BICRAL: variants seen among roughly 807,000 people sequenced by gnomAD.
BICRAL encodes the protein BICRA like chromatin remodeling complex associated protein.
Under a neutral mutation model 91.8 loss-of-function variants are expected in BICRAL, and 8 were observed. The ratio of observed to expected loss-of-function variants is 0.09; its 90% CI spans 0.05 to 0.16. The LOEUF is 0.16. Among genes scored for constraint, BICRAL ranks in the 10% least tolerant of loss-of-function variants. The probability of loss-of-function intolerance (pLI) is 1.00; values close to 1 mark genes in which losing one functional copy is unlikely to be tolerated. For missense variants in BICRAL, 1,038 were observed against 1,310.9 expected, an observed-to-expected ratio of 0.79 and a Z score of 3.21; for synonymous variants, 445 against 491.1, an observed-to-expected ratio of 0.91 and a Z score of 1.24.
At chr6:42,821,633 A>T (rs575332616) in intron 2 of BICRAL, among the ~76,000 whole-genome samples, 1 of 152,144 alleles carries the variant, frequency 6.6e-6, no homozygotes, top group Non-Finnish European at 1.5e-5. Flanking sequence ...AAAGACCTCT[A>T]TGTCTATGAG....
chr6:42,835,760 ACTGTCT>A (rs1283753653), intron 6 of BICRAL, among the ~76,000 whole-genome samples: 1 of 152,020 alleles, frequency 6.6e-6, no homozygotes, highest in Non-Finnish European at 1.5e-5. Context: ...ATGGTGAAAC[ACTGTCT>A]CTACAAAAAA....
upstream of BICRAL, among the ~76,000 whole-genome samples, chr6:42,781,635 T>G (rs2113857552): frequency 6.7e-6 from 1 of 148,350 alleles, no homozygotes; most frequent in Admixed American, 6.7e-5. Context: ...AGAGAGAGCC[T>G]GCAAGAGAAT....
At chr6:42,841,179 G>C (rs1764785148) in intron 6 of BICRAL, among the ~76,000 whole-genome samples, 2 of 137,534 alleles carry the variant, frequency 1.5e-5, no homozygotes, top group Non-Finnish European at 3.1e-5. Context: ...GATCACTCTT[G>C]AATATTTTTT....
intron 1 of BICRAL, among the ~76,000 whole-genome samples, chr6:42,747,637 C>G (rs1356636898): frequency 6.6e-6 from 1 of 152,076 alleles, no homozygotes; most frequent in East Asian, 1.9e-4. Context: ...AGGCGGGGCG[C>G]GGGGGCAGGG....
chr6:42,853,218 G>A (rs919232824), intron 7 of BICRAL, among the ~76,000 whole-genome samples: 1 of 151,322 alleles, frequency 6.6e-6, no homozygotes, highest in Non-Finnish European at 1.5e-5. Flanking sequence ...TTGAACATCT[G>A]CAGTACCCAA....
At chr6:42,858,992 C>G (rs1765471921) in intron 10 of BICRAL, among the ~76,000 whole-genome samples, 1 of 152,050 alleles carries the variant, frequency 6.6e-6, no homozygotes, top group African/African-American at 2.4e-5. Flanking sequence ...AAGTCTTACT[C>G]CTCCTGGCAG....
chr6:42,855,510 C>G (rs1034421575), intron 8 of BICRAL, among the ~76,000 whole-genome samples: 1 of 151,970 alleles, frequency 6.6e-6, no homozygotes, highest in Non-Finnish European at 1.5e-5. Flanking sequence ...CCACCACACT[C>G]CAGCCTGGAC....
At position 42,804,125 on chromosome 6, in the gene BICRAL, C is replaced by T. The variant is rs563483296; in HGVS notation, c.-101-6181C>T. On this transcript the variant is annotated intron_variant, in intron 1 of 12. Transcript: ENST00000314073. ...GCAAACTCTGCCTCCCGGGTTCAAG[C>T]GATTCTCCTGCCTCAGCCTCCTGAG... 1.4e-4 allele frequency among the ~76,000 whole-genome samples: 21 copies of T among 152,288 alleles called. No homozygotes were observed. The East Asian group carries it at 3.9e-3, about 28-fold the overall frequency.
At position 42,760,572 on chromosome 6, in the gene BICRAL, C is replaced by CTAT. The variant is rs200892024; in HGVS notation, c.-261+13564_-261+13566dup. Among the ~76,000 whole-genome samples the CTAT allele has an allele frequency of 8.7e-3, 1,298 of 149,496 alleles. 19 individuals are homozygous for CTAT. Among genetic ancestry groups the CTAT allele is most frequent in the African/African-American group, 0.03 (1,176 of 39,816 alleles). On this transcript the variant is annotated intron_variant, in intron 1 of 14. Coordinates refer to the BICRAL transcript ENST00000614467. ...GGTTTCAACATTATTATTATTATTA[C>CTAT]TATTATTATTATTATTAGAGGCAAG...
At chr6:42,766,933 G>A (rs1191448406) in intron 1 of BICRAL, among the ~76,000 whole-genome samples, 4 of 151,928 alleles carry the variant, frequency 2.6e-5, no homozygotes, top group East Asian at 1.9e-4. Flanking sequence ...CCAGCTACTC[G>A]CGAGGCTGAG....
At chr6:42,825,478 T>C (rs1429369594) in intron 5 of BICRAL, among the ~76,000 whole-genome samples, 1 of 150,258 alleles carries the variant, frequency 6.7e-6, no homozygotes, top group Non-Finnish European at 1.5e-5. Flanking sequence ...GGCAGGAGAA[T>C]GGCTTGAACC....
intron 6 of BICRAL, among the ~76,000 whole-genome samples, chr6:42,841,476 G>A (rs1473406118): frequency 2.0e-5 from 3 of 151,940 alleles, no homozygotes; most frequent in Non-Finnish European, 4.4e-5. Context: ...CGTGAGCCAC[G>A]CTGCCCTGCC....
chr6:42,840,720 A>G (rs1416902701), intron 6 of BICRAL, among the ~76,000 whole-genome samples: 1 of 152,022 alleles, frequency 6.6e-6, no homozygotes, highest in East Asian at 1.9e-4. Flanking sequence ...TATTTTTAGT[A>G]GAGACCGCAC....
At chr6:42,756,031 CA>C (rs1762453668) in intron 1 of BICRAL, among the ~76,000 whole-genome samples, 1 of 152,176 alleles carries the variant, frequency 6.6e-6, no homozygotes, top group Non-Finnish European at 1.5e-5. Flanking sequence ...CTCCTCTCAG[CA>C]AGCAAGTTTC....
chr6:42,864,861 C>G lies in BICRAL; in HGVS notation c.2655C>G (p.Ile885Met). ...HDQFHLVPNH[I>M]VVSAEGNISK... ...AGTTTCATCTAGTGCCTAATCACAT[C>G]GTGGTCTCTGCAGAAGGAAACATTT... The change falls in exon 13 of 13, where the codon ATC (isoleucine) becomes ATG (methionine). Residue 885 changes from isoleucine to methionine, a missense_variant. Ile to Met is a conservative substitution (Grantham distance 10, BLOSUM62 1). Around this residue, in one of 5 missense-constraint regions of BICRAL, gnomAD observed 294 missense variants for 292.6 expected, o/e 1.00. Transcript: ENST00000314073. 6.2e-7 allele frequency: 1 copy of G among 1,614,106 alleles called. No homozygotes were observed.
chr6:42,755,966 G>A lies in BICRAL; in HGVS notation c.-261+8943G>A, dbSNP rs112620670. Among the ~76,000 whole-genome samples the A allele has an allele frequency of 5.0e-4, 76 of 152,000 alleles. 1 individual carries two copies. The highest frequency in any genetic ancestry group is 1.8e-3 in the African/African-American group (73 of 41,442). On this transcript the variant is annotated intron_variant, in intron 1 of 14. Transcript: ENST00000614467. ...TAGGATTACAGGCGTGAGCCACCGC[G>A]CCCGGCCCAGTCACCTCTTTCTTCA...
chr6:42,807,161 A>ATAT (rs879774636), intron 1 of BICRAL, among the ~76,000 whole-genome samples: 2 of 151,528 alleles, frequency 1.3e-5, no homozygotes, highest in African/African-American at 4.9e-5. Context: ...ACTCCAGTTC[A>ATAT]TATTATTATT....
chr6:42,851,870 C>T (rs1207258139), intron 6 of BICRAL, among the ~76,000 whole-genome samples: 2 of 152,244 alleles, frequency 1.3e-5, no homozygotes, highest in Non-Finnish European at 2.9e-5. Context: ...AGCATCCCCG[C>T]TGAATGGCAT....
intron 1 of BICRAL, among the ~76,000 whole-genome samples, chr6:42,748,300 C>T (rs1156678642): frequency 6.6e-6 from 1 of 152,096 alleles, no homozygotes; most frequent in Non-Finnish European, 1.5e-5. Context: ...AACAACCTGA[C>T]CTTTTAAGTT....
Sources: gnomAD v4.1 joint callset for allele counts (sites outside exome capture counted in the v4.1 genomes callset) on GRCh38, gnomAD v4.1.1 for gene constraint, gnomAD v4.1.1 regional missense constraint, MANE v1.5 for transcripts, NCBI Gene and HGNC (gene_info 2026-07-23, HGNC 2026-07-21) for gene names.